SCGB2B2: variants seen among roughly 807,000 people sequenced by gnomAD.
SCGB2B2 encodes the protein secretoglobin family 2B member 2.
In SCGB2B2, 11 loss-of-function variants were observed where a neutral mutation model predicts 7.6. That is an observed-to-expected ratio of 1.45 (90% CI 0.91 to 2.40). The LOEUF (loss-of-function observed/expected upper bound fraction) is 2.40. Among genes scored for constraint, SCGB2B2 ranks in the 30% most tolerant of loss-of-function variants. The pLI is 0.00. For missense variants in SCGB2B2, 104 were observed against 115.4 expected, an observed-to-expected ratio of 0.90 and a Z score of 0.45; for synonymous variants, 50 against 48.6, an observed-to-expected ratio of 1.03 and a Z score of -0.12.
chr19:34,636,358 G>A (rs1245808030), intron 1 of SCGB2B2, among the ~76,000 whole-genome samples: 1 of 152,198 alleles, frequency 6.6e-6, no homozygotes, highest in Non-Finnish European at 1.5e-5. Flanking sequence ...GGGAGGTCTA[G>A]GGAGGAGCAA....
intron 1 of SCGB2B2, among the ~76,000 whole-genome samples, chr19:34,657,869 A>G (rs192928693): frequency 5.3e-4 from 80 of 152,370 alleles, no homozygotes; most frequent in African/African-American, 1.9e-3. Context: ...CAGCAAAGGT[A>G]AAAGAACAGA....
downstream of SCGB2B2, among the ~76,000 whole-genome samples, chr19:34,588,876 A>G (rs17256494): frequency 0.63 from 96,390 of 151,914 alleles, 30,851 homozygotes; most frequent in East Asian, 0.88. Flanking sequence ...GAGAAGGTCA[A>G]GTGTTGGAAC....
At chr19:34,642,714 CAAA>C (rs55922005) in intron 1 of SCGB2B2, among the ~76,000 whole-genome samples, 15 of 39,876 alleles carry the variant, frequency 3.8e-4, no homozygotes, top group East Asian at 1.0e-3. Flanking sequence ...GACTCCGTCT[CAAA>C]AAAAAAAAAA....
intron 1 of SCGB2B2, among the ~76,000 whole-genome samples, chr19:34,650,512 T>C (rs539539055): frequency 2.6e-5 from 4 of 151,058 alleles, no homozygotes; most frequent in African/African-American, 9.9e-5. Flanking sequence ...CTAGCAAAAA[T>C]GTATAAATTC....
rs1314917445 is a variant in SCGB2B2 at position 34,594,679 on chromosome 19, G to GTC, written c.-117_-116insGA. 1.3e-6 allele frequency: 1 copy of GTC among 745,762 alleles called. No homozygotes were observed. The highest frequency in any genetic ancestry group is 2.0e-5 in the Admixed American group (1 of 48,902). The allele number at this position is 745,762 out of a possible 1,614,324, so 46.2% of individuals were successfully genotyped here. On this transcript the variant is annotated 5_prime_UTR_variant, in exon 2 of 4. The change abolishes the stop of an existing upstream ORF in the 5' untranslated region. Transcript: ENST00000601241. ...TGTGTGTGTGTGTGTGTGTGTGTGT[G>GTC]TGTGTGTGTGTGTGTGTGTGTGTGA...
chr19:34,629,489 A>G lies in SCGB2B2; in HGVS notation c.-2031-32895T>C, dbSNP rs550628214. On this transcript the variant is annotated intron_variant, in intron 1 of 3. Coordinates refer to ENST00000601241, the MANE Select transcript of SCGB2B2 (RefSeq NM_001025591.4). ...TACACCAATAACAGATAAACAGAGA[A>G]CCAAATCGTGAGTGAACTCCCATTC... Among the ~76,000 whole-genome samples, 670 of 152,016 alleles carry G rather than the reference A, an allele frequency of 4.4e-3. 17 individuals carry two copies. The highest frequency in any genetic ancestry group is 5.0e-3 in the Non-Finnish European group (339 of 67,888).
downstream of SCGB2B2, among the ~76,000 whole-genome samples, chr19:34,588,022 C>T (rs181528207): frequency 2.8e-4 from 42 of 152,228 alleles, no homozygotes; most frequent in Admixed American, 2.0e-3. Context: ...GTTTGATATC[C>T]GGATAATGGT....
chr19:34,627,549 T>C (rs2066413468), intron 1 of SCGB2B2, among the ~76,000 whole-genome samples: 1 of 152,188 alleles, frequency 6.6e-6, no homozygotes. Context: ...AAGGGATCAA[T>C]TCAACAAGAA....
chr19:34,631,464 TAAAA>T (rs771981575), intron 1 of SCGB2B2, among the ~76,000 whole-genome samples: 19 of 152,164 alleles, frequency 1.2e-4, no homozygotes, highest in Non-Finnish European at 2.5e-4. Context: ...AATATTTCTA[TAAAA>T]ATTGTATTTC....
chr19:34,628,966 T>C (rs1028440514), intron 1 of SCGB2B2, among the ~76,000 whole-genome samples: 3 of 151,918 alleles, frequency 2.0e-5, no homozygotes, highest in Non-Finnish European at 4.4e-5. Context: ...TGGTTCAACA[T>C]ATGCAAATCA....
intron 1 of SCGB2B2, among the ~76,000 whole-genome samples, chr19:34,675,362 G>A (rs1034738402): frequency 1.3e-5 from 2 of 152,216 alleles, no homozygotes; most frequent in Non-Finnish European, 1.5e-5. Context: ...AACTGTGGCT[G>A]CTATAGGAAT....
intron 1 of SCGB2B2, among the ~76,000 whole-genome samples, chr19:34,664,822 C>T (rs2067567071): frequency 6.9e-6 from 1 of 145,666 alleles, no homozygotes; most frequent in South Asian, 2.1e-4. Context: ...CACCCATCAC[C>T]CCCACTTAGA....
intron 1 of SCGB2B2, among the ~76,000 whole-genome samples, chr19:34,666,961 G>A (rs965508297): frequency 6.6e-6 from 1 of 152,106 alleles, no homozygotes; most frequent in Non-Finnish European, 1.5e-5. Flanking sequence ...CATGGATTCT[G>A]TCAACAGATA....
chr19:34,663,430 AC>A, intron 1 of SCGB2B2, among the ~76,000 whole-genome samples: 1 of 152,392 alleles, frequency 6.6e-6, no homozygotes, highest in South Asian at 2.1e-4. Context: ...GCAATGTTGA[AC>A]AAAAAAGTAA....
chr19:34,622,043 G>C (rs1024881537), intron 1 of SCGB2B2, among the ~76,000 whole-genome samples: 1 of 152,108 alleles, frequency 6.6e-6, no homozygotes, highest in East Asian at 1.9e-4. Context: ...CAGTTCTGCC[G>C]CATTATGTGG....
At chr19:34,621,572 C>A (rs2066243876) in intron 1 of SCGB2B2, among the ~76,000 whole-genome samples, 1 of 150,906 alleles carries the variant, frequency 6.6e-6, no homozygotes, top group Non-Finnish European at 1.5e-5. Context: ...AAAACCTTTT[C>A]AGAAAAACAA....
intron 3 of SCGB2B2, 88 bp downstream of exon 3, chr19:34,594,087 G>A: frequency 1.8e-6 from 2 of 1,100,650 alleles, no homozygotes; most frequent in East Asian, 4.7e-5. Context: ...TTAAAACGTG[G>A]AAAGCAGGAT....
intron 1 of SCGB2B2, among the ~76,000 whole-genome samples, chr19:34,610,512 T>C (rs1204428153): frequency 6.6e-6 from 1 of 152,204 alleles, no homozygotes; most frequent in Non-Finnish European, 1.5e-5. Flanking sequence ...AGAGTTTCTA[T>C]AATGAAGCAT....
At chr19:34,666,593 C>A (rs2067630311) in intron 1 of SCGB2B2, among the ~76,000 whole-genome samples, 1 of 152,186 alleles carries the variant, frequency 6.6e-6, no homozygotes, top group Non-Finnish European at 1.5e-5. Context: ...CCCCGACTCT[C>A]CAGGTCCCAG....
Sources: allele counts gnomAD v4.1 joint callset (sites outside exome capture counted in the v4.1 genomes callset), GRCh38; gene constraint gnomAD v4.1.1; transcripts MANE v1.5; gene names NCBI Gene and HGNC (gene_info 2026-07-23, HGNC 2026-07-21).